Variants in RTN4RL2 observed in about 807,000 individuals in gnomAD.
RTN4RL2 encodes reticulon 4 receptor like 2, also known as reticulon-4 receptor-like 2.
RTN4RL2 carries 9 observed loss-of-function variants against 27.8 expected under a neutral mutation model. The observed-to-expected ratio is 0.32, with a 90% confidence interval of 0.20 to 0.57. RTN4RL2 has a LOEUF of 0.57. Ranked by LOEUF, RTN4RL2 falls within the 20% of genes least tolerant of loss-of-function variation. The pLI is 0.90. For missense variants in RTN4RL2, 436 were observed against 596.8 expected (o/e 0.73, Z 2.81); for synonymous variants, 285 against 297.9 (o/e 0.96, Z 0.45).
chr11:57,474,186 A>G (rs1943581643), intron 2 of RTN4RL2, among the ~76,000 whole-genome samples: 2 of 152,092 alleles, frequency 1.3e-5, no homozygotes, highest in Non-Finnish European at 2.9e-5. Flanking sequence ...GGCCTGAGCC[A>G]GGATTTGGGG....
chr11:57,463,587 G>A (rs1224564063), intron 1 of RTN4RL2, among the ~76,000 whole-genome samples: 2 of 152,012 alleles, frequency 1.3e-5, no homozygotes, highest in Admixed American at 6.6e-5. Flanking sequence ...GGTGGCCACC[G>A]AGGTATCCCC....
At position 57,467,256 on chromosome 11, in the gene RTN4RL2, G is replaced by A. The variant is rs867269769; in HGVS notation, c.32-353G>A. Among the ~76,000 whole-genome samples, 1 of 152,120 alleles carries A rather than the reference G, an allele frequency of 6.6e-6. No individual in the cohort carries two copies. Among genetic ancestry groups the A allele is most frequent in the African/African-American group, 2.4e-5 (1 of 41,414 alleles). On this transcript the variant is annotated intron_variant, in intron 1 of 2. Transcript: ENST00000335099. This position sits in a 1 kb window ranked among gnomAD's most constrained non-coding sequence, Gnocchi z 5.5. ...AACAGGGTCTTGTTGTGTTGCCCAG[G>A]CTGGAGTGCAAGGGTGTGATCGTTG...
Position 57,477,177 on chromosome 11 carries a change from T to A in RTN4RL2, c.*266T>A. 2.6e-6 allele frequency: 1 copy of A among 389,548 alleles called. No individual in the cohort carries two copies. The highest frequency in any genetic ancestry group is 4.5e-6 in the Non-Finnish European group (1 of 220,080). 24.1% of individuals were successfully genotyped at this position (389,548 alleles called of 1,614,324 possible). A position where few individuals can be genotyped will look rare whatever the true frequency, so the allele number is the denominator to read the frequency against. ...CATTAACTCTTCCCCATCCCAAGGC[T>A]GGGGTGGGGCCCCCCAGGCAGCCGC... On this transcript the variant is annotated 3_prime_UTR_variant, in exon 3 of 3. Transcript: ENST00000335099.
At chr11:57,474,412 A>G (rs1299188973) in intron 2 of RTN4RL2, among the ~76,000 whole-genome samples, 1 of 152,168 alleles carries the variant, frequency 6.6e-6, no homozygotes, top group Non-Finnish European at 1.5e-5. Flanking sequence ...CCCCAACCTG[A>G]GGCCTCCGAC....
chr11:57,463,039 G>A (rs1344652848), intron 1 of RTN4RL2, among the ~76,000 whole-genome samples: 3 of 152,312 alleles, frequency 2.0e-5, no homozygotes, highest in South Asian at 4.1e-4. Context: ...TTCAGGCGTG[G>A]TTTCTGCGGA....
intron 2 of RTN4RL2, among the ~76,000 whole-genome samples, chr11:57,475,036 C>G (rs1431726271): frequency 1.3e-5 from 2 of 152,120 alleles, no homozygotes; most frequent in African/African-American, 4.8e-5. Context: ...TACTTTGGTT[C>G]CCCCAGGGAG....
At position 57,467,468 on chromosome 11, in the gene RTN4RL2, C is replaced by T. The variant is rs1943534532; in HGVS notation, c.32-141C>T. On this transcript the variant is annotated intron_variant, in intron 1 of 2. Transcript: ENST00000335099. The surrounding 1 kb of genome is among the most constrained non-coding windows in gnomAD (Gnocchi z 5.5). Reference sequence around the variant, plus strand: ...GCCTCAAGCAATCCTCCTGCCTTGGCCTCCCAAAGTGCTGGGATTACAGGT... The same window carrying T: ...GCCTCAAGCAATCCTCCTGCCTTGGTCTCCCAAAGTGCTGGGATTACAGGT... 1.4e-6 allele frequency: 2 copies of T among 1,387,440 alleles called. No homozygotes were observed. The highest frequency in any genetic ancestry group is 4.6e-5 in the East Asian group (2 of 43,300). 85.9% of individuals were successfully genotyped at this position (1,387,440 alleles called of 1,614,324 possible). A position where few individuals can be genotyped will look rare whatever the true frequency, so the allele number is the denominator to read the frequency against.
chr11:57,468,552 C>T (rs1345988492), intron 2 of RTN4RL2: 6 of 1,536,394 alleles, frequency 3.9e-6, no homozygotes, highest in Non-Finnish European at 5.2e-6. Flanking sequence ...GGCACTCTGC[C>T]TTCCCCCAGG....
At chr11:57,472,911 C>G (rs1167944775) in intron 2 of RTN4RL2, among the ~76,000 whole-genome samples, 1 of 152,204 alleles carries the variant, frequency 6.6e-6, no homozygotes, top group African/African-American at 2.4e-5. Flanking sequence ...AGTTGGAAGC[C>G]ACGTTCCACT....
intron 1 of RTN4RL2, among the ~76,000 whole-genome samples, chr11:57,466,841 C>A (rs968816204): frequency 6.6e-6 from 1 of 152,170 alleles, no homozygotes; most frequent in Non-Finnish European, 1.5e-5. Context: ...TTGGTTGTCA[C>A]AACTGGAGGC....
intron 1 of RTN4RL2, among the ~76,000 whole-genome samples, chr11:57,461,632 A>G (rs916332410): frequency 1.3e-5 from 2 of 151,936 alleles, no homozygotes; most frequent in African/African-American, 2.4e-5. Flanking sequence ...AGGAAAGACC[A>G]GATCAGGGGA....
rs777747688 is a variant in RTN4RL2, at chr11:57,476,601, C to G, written c.953C>G (p.Pro318Arg). 2 of 1,400,794 alleles carry G rather than the reference C, an allele frequency of 1.4e-6. No individual in the cohort carries two copies. Among genetic ancestry groups the G allele is most frequent in the South Asian group, 1.6e-5 (1 of 63,200 alleles). 86.8% of individuals were successfully genotyped at this position (1,400,794 alleles called of 1,614,324 possible). Reference protein sequence around the residue: ...QACPPAAPTRPGSRARGNSSS... With the variant: ...QACPPAAPTRRGSRARGNSSS... ...TGTCCGCCCGCGGCACCCACGCGGC[C>G]GGGCAGCCGCGCCCGCGGCAACAGC... Residue 318 changes from proline (P) to arginine (R), a missense_variant, in exon 3 of 3, where the codon CCG (proline) becomes CGG (arginine). Transcript: ENST00000335099. The surrounding 1 kb of genome is among the most constrained non-coding windows in gnomAD (Gnocchi z 8.2).
At chr11:57,464,944 A>T (rs1433965098) in intron 1 of RTN4RL2, among the ~76,000 whole-genome samples, 1 of 152,202 alleles carries the variant, frequency 6.6e-6, no homozygotes, top group Non-Finnish European at 1.5e-5. Context: ...CGAATGGAAC[A>T]GCAGCCGCTG....
chr11:57,461,835 A>G (rs1037858562), intron 1 of RTN4RL2, among the ~76,000 whole-genome samples: 2 of 151,896 alleles, frequency 1.3e-5, no homozygotes, highest in African/African-American at 4.8e-5. Flanking sequence ...ACAGGGAACC[A>G]TGGATGGGAG....
chr11:57,460,612 C>A lies in RTN4RL2; in HGVS notation c.-254C>A, dbSNP rs990713597. 1.6e-5 allele frequency: 3 copies of A among 186,132 alleles called. No individual in the cohort carries two copies. Among genetic ancestry groups the A allele is most frequent in the South Asian group, 3.9e-4 (2 of 5,130 alleles). 11.5% of individuals were successfully genotyped at this position (186,132 alleles called of 1,614,324 possible). ...GACAGCGCAGCTAGCGGGGCGCGGG[C>A]GCTGGGCGTCGACGGCCAGCCCCAG... On this transcript the variant is annotated 5_prime_UTR_variant, in exon 1 of 3. Transcript: ENST00000335099.
In RTN4RL2 at chr11:57,467,595, TC is replaced by T. The variant is rs760570888; in HGVS notation, c.32-10del. 1.1e-5 allele frequency: 17 copies of T among 1,588,632 alleles called. No individual in the cohort carries two copies. The Admixed American group carries it at 1.9e-4, about 18-fold the overall frequency. ...GGAAGCCCACCTAGTAAGTTCTGCT[TC>T]CCCTCCCCACAGCTCCCGCCTCGGC... On this transcript the variant is annotated splice_polypyrimidine_tract_variant and intron_variant, in intron 1 of 2. Coordinates refer to ENST00000335099, the MANE Select transcript of RTN4RL2 (RefSeq NM_178570.3). This position sits in a 1 kb window ranked among gnomAD's most constrained non-coding sequence, Gnocchi z 5.5.
Position 57,476,147 on chromosome 11 carries a change from C to A in RTN4RL2, c.514-15C>A. On this transcript the variant is annotated splice_polypyrimidine_tract_variant and intron_variant, in intron 2 of 2. Transcript: ENST00000335099. The surrounding 1 kb of genome is among the most constrained non-coding windows in gnomAD (Gnocchi z 8.2). ...GCCCATTCTCTTCTTCTGTGCCCCACTCCACCCCACCCAGGATGACTTGTT... is the reference window on the plus strand; with the variant it reads ...GCCCATTCTCTTCTTCTGTGCCCCAATCCACCCCACCCAGGATGACTTGTT... 6.3e-7 allele frequency: 1 copy of A among 1,592,562 alleles called. No homozygotes were observed. Among genetic ancestry groups the A allele is most frequent in the Non-Finnish European group, 8.6e-7 (1 of 1,168,226 alleles).
chr11:57,467,243 T>C lies in RTN4RL2; in HGVS notation c.32-366T>C, dbSNP rs1943533098. ...TTTTTTCCCCTGAAACAGGGTCTTG[T>C]TGTGTTGCCCAGGCTGGAGTGCAAG... On this transcript the variant is annotated intron_variant, in intron 1 of 2. Transcript: ENST00000335099. The surrounding 1 kb of genome is among the most constrained non-coding windows in gnomAD (Gnocchi z 5.5). Among the ~76,000 whole-genome samples, 1 of 151,682 alleles carries C rather than the reference T, an allele frequency of 6.6e-6. No homozygotes were observed. Among genetic ancestry groups the C allele is most frequent in the African/African-American group, 2.4e-5 (1 of 41,026 alleles).
intron 2 of RTN4RL2, chr11:57,468,579 C>A: frequency 6.5e-7 from 1 of 1,536,722 alleles, no homozygotes. Flanking sequence ...TGCCCAAAGG[C>A]CTTTGCAGCT....
Sources: gnomAD v4.1 joint callset for allele counts (sites outside exome capture counted in the v4.1 genomes callset) on GRCh38, gnomAD v4.1.1 for gene constraint, Gnocchi (gnomAD v3.1) non-coding constraint, MANE v1.5 for transcripts, NCBI Gene and HGNC (gene_info 2026-07-23, HGNC 2026-07-21) for gene names.